The following RAB3IP variants were observed in gnomAD, a reference collection of about 807,000 sequenced individuals.
The protein encoded by RAB3IP is rab-3A-interacting protein.
A neutral mutation model predicts 59.1 loss-of-function variants in RAB3IP; 36 were observed. That is an observed-to-expected ratio of 0.61 (90% confidence interval 0.47 to 0.80). The LOEUF is 0.80. RAB3IP is among the 30% of genes least tolerant of loss of function. The probability of loss-of-function intolerance (pLI) is 0.00; values close to 1 mark genes in which losing one functional copy is unlikely to be tolerated. For synonymous variants in RAB3IP, 207 were observed against 191.2 expected, an observed-to-expected ratio of 1.08 and a Z score of -0.68; for missense variants, 511 against 536.0, an observed-to-expected ratio of 0.95 and a Z score of 0.46.
At chr12:69,804,758 T>C (rs1592606107) in intron 8 of RAB3IP, among the ~76,000 whole-genome samples, 1 of 151,850 alleles carries the variant, frequency 6.6e-6, no homozygotes, top group African/African-American at 2.4e-5. Context: ...AGGGAATCCT[T>C]TCCCCATTGC....
chr12:69,795,955 C>G (rs1012984584), intron 6 of RAB3IP: 1 of 152,634 alleles, frequency 6.6e-6, no homozygotes, highest in Non-Finnish European at 1.5e-5. Context: ...CAGACACTTA[C>G]AACTATGTAA....
Position 69,784,320 on chromosome 12 carries a change from TAAA to T in RAB3IP, c.511-395_511-393del, listed in dbSNP as rs959607045. 3.6e-4 allele frequency among the ~76,000 whole-genome samples: 54 copies of T among 151,780 alleles called. 1 individual carries two copies. Among genetic ancestry groups the T allele is most frequent in the African/African-American group, 1.1e-3 (44 of 41,382 alleles). On this transcript the variant is annotated intron_variant, in intron 3 of 10. Coordinates refer to ENST00000247833, the MANE Select transcript of RAB3IP (RefSeq NM_022456.5). ...AAGTAAATAGCTTTTAAAGTAAACA[TAAA>T]AAAAGTGTATTTTTATTGAAATATG... is the stretch of plus-strand genomic sequence containing the variant.
chr12:69,807,590 G>GCTC (rs1879633523), intron 8 of RAB3IP, among the ~76,000 whole-genome samples: 1 of 136,250 alleles, frequency 7.3e-6, no homozygotes, highest in African/African-American at 2.8e-5. Context: ...GGACAGAGGC[G>GCTC]CTCGCTTCCT....
chr12:69,779,207 C>G (rs1298972279), intron 3 of RAB3IP: 1 of 143,316 alleles, frequency 7.0e-6, no homozygotes, highest in Non-Finnish European at 1.5e-5. Flanking sequence ...CTTTCTTTGA[C>G]TCGGAAAGGG....
Position 69,811,062 on chromosome 12 carries a change from A to T in RAB3IP, c.1131-1716A>T, listed in dbSNP as rs566314692. On this transcript the variant is annotated intron_variant, in intron 8 of 10. Coordinates refer to ENST00000247833, the MANE Select transcript of RAB3IP (RefSeq NM_022456.5). The stretch of plus-strand genomic sequence containing the variant: ...GAATACTATACAGCCATAAAAAAGA[A>T]TGAGATCATGTCCTTTGCAGGGACA... 7.7e-4 allele frequency among the ~76,000 whole-genome samples: 118 copies of T among 152,314 alleles called. 1 individual carries two copies. The highest frequency in any genetic ancestry group is 2.7e-3 in the African/African-American group (114 of 41,566).
At chr12:69,765,086 G>A (rs1403278017) in intron 3 of RAB3IP, among the ~76,000 whole-genome samples, 1 of 152,144 alleles carries the variant, frequency 6.6e-6, no homozygotes, top group Non-Finnish European at 1.5e-5. Context: ...TAGTCTGTAG[G>A]AGAGGTAATT....
In RAB3IP at chr12:69,816,912, G is replaced by A. The variant is rs1463609921; in HGVS notation, c.*1466G>A. 2 of 152,148 alleles carry A rather than the reference G, an allele frequency of 1.3e-5. No homozygotes were observed. Among genetic ancestry groups the A allele is most frequent in the East Asian group, 1.9e-4 (1 of 5,200 alleles). 9.4% of individuals were successfully genotyped at this position (152,148 alleles called of 1,614,324 possible). A position where few individuals can be genotyped will look rare whatever the true frequency, so the allele number is the denominator to read the frequency against. ...CAAAAGGACATTGGTGTATGTTATG[G>A]TGAAAACCATCAGTACCATGCCTAG... On this transcript the variant is annotated 3_prime_UTR_variant, in exon 11 of 11. Transcript: ENST00000247833.
At chr12:69,809,779 G>A (rs1880108767) in intron 8 of RAB3IP, among the ~76,000 whole-genome samples, 1 of 152,092 alleles carries the variant, frequency 6.6e-6, no homozygotes, top group African/African-American at 2.4e-5. Context: ...CTCTGCATGG[G>A]TTATTCTAGT....
At chr12:69,772,123 C>T (rs1873219090) in intron 3 of RAB3IP, among the ~76,000 whole-genome samples, 1 of 151,888 alleles carries the variant, frequency 6.6e-6, no homozygotes, top group Non-Finnish European at 1.5e-5. Context: ...TATATATTTA[C>T]AATTATTATA....
intron 3 of RAB3IP, among the ~76,000 whole-genome samples, chr12:69,768,586 C>A (rs1872607413): frequency 6.6e-6 from 1 of 152,182 alleles, no homozygotes; most frequent in Non-Finnish European, 1.5e-5. Context: ...GAGGACTCCA[C>A]TGCACCGCGA....
chr12:69,756,304 A>C, intron 2 of RAB3IP, 101 bp from the exon 3 acceptor site: 1 of 1,201,142 alleles, frequency 8.3e-7, no homozygotes, highest in Non-Finnish European at 1.2e-6. Context: ...TAAATATAGA[A>C]GCTACCAAAT....
At chr12:69,762,536 T>G (rs1366642993) in intron 3 of RAB3IP, among the ~76,000 whole-genome samples, 1 of 151,978 alleles carries the variant, frequency 6.6e-6, no homozygotes, top group African/African-American at 2.4e-5. Context: ...GGCGGGCAGA[T>G]CACCAGGTTA....
intron 3 of RAB3IP, among the ~76,000 whole-genome samples, chr12:69,781,688 C>T (rs534074968): frequency 6.6e-6 from 1 of 151,818 alleles, no homozygotes; most frequent in Non-Finnish European, 1.5e-5. Flanking sequence ...TCTTTTATGT[C>T]TTTTCATGGC....
At chr12:69,785,588 A>G (rs1875511343) in intron 4 of RAB3IP, among the ~76,000 whole-genome samples, 1 of 152,068 alleles carries the variant, frequency 6.6e-6, no homozygotes, top group Non-Finnish European at 1.5e-5. Flanking sequence ...CTGAAGGCAG[A>G]AAAAAAATCT....
intron 8 of RAB3IP, 51 bp from the exon 9 acceptor site, chr12:69,812,727 G>C (rs376796878): frequency 8.1e-7 from 1 of 1,234,370 alleles, no homozygotes; most frequent in African/African-American, 1.5e-5. Context: ...ACAGAAGGTA[G>C]GGGCAAATGC....
rs1217373568 is a variant in RAB3IP, at chr12:69,818,424, T to C, written c.*2978T>C. The C allele has an allele frequency of 1.3e-5, 2 of 151,624 alleles. No homozygotes were observed. The highest frequency in any genetic ancestry group is 6.6e-5 in the Admixed American group (1 of 15,208). 9.4% of individuals were successfully genotyped at this position (151,624 alleles called of 1,614,324 possible). Reference sequence around the variant, plus strand: ...TGATTGTGCCACTGCACTCTTACCTTGGGTGACAGAGTAAGATCATACCTT... The same window carrying C: ...TGATTGTGCCACTGCACTCTTACCTCGGGTGACAGAGTAAGATCATACCTT... On this transcript the variant is annotated 3_prime_UTR_variant, in exon 11 of 11. Coordinates refer to ENST00000247833, the MANE Select transcript of RAB3IP (RefSeq NM_022456.5).
At chr12:69,779,677 C>G (rs952316859) in intron 3 of RAB3IP, among the ~76,000 whole-genome samples, 3 of 90,106 alleles carry the variant, frequency 3.3e-5, no homozygotes, top group African/African-American at 8.1e-5. Context: ...CACATTCTAG[C>G]TAGGGAATTT....
intron 8 of RAB3IP, among the ~76,000 whole-genome samples, chr12:69,809,509 C>T (rs971225335): frequency 2.6e-5 from 4 of 152,162 alleles, no homozygotes; most frequent in African/African-American, 7.2e-5. Context: ...CAACTTGGTT[C>T]CATTCTCCCC....
intron 3 of RAB3IP, among the ~76,000 whole-genome samples, chr12:69,759,003 T>C (rs933831340): frequency 7.0e-6 from 1 of 143,138 alleles, no homozygotes; most frequent in Non-Finnish European, 1.5e-5. Context: ...TTTTTTTTTT[T>C]AATTGATCAT....
Sources: gnomAD v4.1 joint callset for allele counts (sites outside exome capture counted in the v4.1 genomes callset) on GRCh38, gnomAD v4.1.1 for gene constraint, MANE v1.5 for transcripts, NCBI Gene and HGNC (gene_info 2026-07-23, HGNC 2026-07-21) for gene names.